RNF126: variants seen among roughly 807,000 people sequenced by gnomAD.
RNF126 encodes the protein ring finger protein 126.
RNF126 carries 20 observed loss-of-function variants against 41.9 expected under a neutral mutation model. The ratio of observed to expected loss-of-function variants is 0.48; its 90% confidence interval spans 0.34 to 0.69. The LOEUF (loss-of-function observed/expected upper bound fraction) is 0.69, where lower values mean the gene tolerates loss of function less well. Among genes scored for constraint, RNF126 ranks in the 30% least tolerant of loss-of-function variants. The pLI is 0.01. For missense variants in RNF126, 433 were observed against 460.6 expected (o/e 0.94, Z 0.55); for synonymous variants, 239 against 202.9 (o/e 1.18, Z -1.51).
Position 648,451 on chromosome 19 carries a change from T to G in RNF126, c.707A>C (p.Tyr236Ser). The change falls in exon 8 of 9, where the codon TAC (tyrosine) becomes TCC (serine). Residue 236 changes from tyrosine to serine, a missense_variant. Physicochemically the swap from Tyr to Ser is moderately radical, Grantham distance 144 (BLOSUM62 -2). Transcript: ENST00000292363. ...GLECPVCKDDYALGERVRQLP... is the reference protein window; with the variant it reads ...GLECPVCKDDSALGERVRQLP... Reference sequence around the variant, plus strand: ...CTGCCGCACACGCTCACCCAGCGCGTAGTCGTCCTTGCACACAGGGCACTC... The same window carrying G: ...CTGCCGCACACGCTCACCCAGCGCGGAGTCGTCCTTGCACACAGGGCACTC... 1 of 1,590,014 alleles carries G rather than the reference T, an allele frequency of 6.3e-7. No homozygotes were observed. Among genetic ancestry groups the G allele is most frequent in the African/African-American group, 1.3e-5 (1 of 74,302 alleles).
intron 8 of RNF126, 28 bp downstream of exon 8, chr19:648,344 T>TGGGGGGGGGGGGGGGGGGGGGGGGGGG (rs566322132): frequency 5.2e-5 from 15 of 289,416 alleles, no homozygotes; most frequent in Middle Eastern, 1.0e-3. Flanking sequence ...GCGGTCGGGG[T>TGGGGGGGGGGGGGGGGGGGGGGGGGGG]GGGGGGGCGG....
chr19:652,751 C>T, intron 2 of RNF126, 75 bp downstream of exon 2: 2 of 1,413,146 alleles, frequency 1.4e-6, no homozygotes, highest in Non-Finnish European at 2.0e-6. Context: ...GGGCGGACGC[C>T]AGCACAGCCC....
chr19:653,369 C>T (rs966969165), intron 1 of RNF126, among the ~76,000 whole-genome samples: 2 of 152,238 alleles, frequency 1.3e-5, no homozygotes, highest in Non-Finnish European at 2.9e-5. Context: ...CCCCAGGTCC[C>T]CCTAGAGCCA....
intron 5 of RNF126, 94 bp from the exon 6 acceptor site, chr19:649,842 G>A (rs1040518438): frequency 1.1e-6 from 1 of 943,312 alleles, no homozygotes; most frequent in South Asian, 1.4e-5. Context: ...CTGGGGATGG[G>A]GACAGGCACC....
chr19:651,780 C>G lies in RNF126; in HGVS notation c.274G>C (p.Glu92Gln). 1 of 1,612,806 alleles carries G rather than the reference C, an allele frequency of 6.2e-7. No homozygotes were observed. The highest frequency in any genetic ancestry group is 8.5e-7 in the Non-Finnish European group (1 of 1,179,870). The change falls in exon 4 of 9, where the codon GAG becomes CAG. Residue 92 changes from glutamate to glutamine, a missense_variant. Around this residue, in one of 5 missense-constraint regions of RNF126, gnomAD observed 247 missense variants for 224.7 expected, o/e 1.10. Transcript: ENST00000292363. ...FAFGIFDDSFEIPTFPPGAQA... is the reference protein window; with the variant it reads ...FAFGIFDDSFQIPTFPPGAQA... ...GCCCCAGGAGGGAACGTGGGGATCT[C>G]GAAGCTGTCATCGAAGATGCCGAAA... is the stretch of plus-strand genomic sequence containing the variant.
intron 2 of RNF126, 31 bp from the exon 3 acceptor site, chr19:652,327 G>A: frequency 6.5e-7 from 1 of 1,530,198 alleles, no homozygotes; most frequent in Non-Finnish European, 8.8e-7. Flanking sequence ...AGCAGTGCCG[G>A]CTACCCTGTG....
At chr19:660,731 G>A (rs955014305) in intron 1 of RNF126, among the ~76,000 whole-genome samples, 6 of 152,130 alleles carry the variant, frequency 3.9e-5, no homozygotes, top group African/African-American at 1.4e-4. Flanking sequence ...CCAGGCTCAA[G>A]CGCTCCTCCC....
At chr19:655,838 C>T (rs963230493) in intron 1 of RNF126, among the ~76,000 whole-genome samples, 2 of 152,072 alleles carry the variant, frequency 1.3e-5, no homozygotes, top group African/African-American at 4.8e-5. Flanking sequence ...CCTCAGAGCA[C>T]GACTCAACCA....
At chr19:662,100 C>T (rs1470848779) in intron 1 of RNF126, among the ~76,000 whole-genome samples, 1 of 152,200 alleles carries the variant, frequency 6.6e-6, no homozygotes, top group Non-Finnish European at 1.5e-5. Flanking sequence ...AGAAGAATCG[C>T]TTGAGCCCAG....
chr19:654,214 C>G (rs925357221), intron 1 of RNF126, among the ~76,000 whole-genome samples: 1 of 152,172 alleles, frequency 6.6e-6, no homozygotes, highest in East Asian at 1.9e-4. Context: ...CAAACGATGC[C>G]AGATGCACAT....
chr19:662,218 A>G (rs2030834884), intron 1 of RNF126, among the ~76,000 whole-genome samples: 1 of 152,194 alleles, frequency 6.6e-6, no homozygotes, highest in Non-Finnish European at 1.5e-5. Context: ...GAAACCCTGG[A>G]AAAGGGGCCT....
In RNF126 at chr19:648,192, GAGA is replaced by G. The variant is rs753680015; in HGVS notation, c.869_871del (p.Phe290del). 3 of 1,607,486 alleles carry G rather than the reference GAGA, an allele frequency of 1.9e-6. No individual in the cohort carries two copies. Among genetic ancestry groups the G allele is most frequent in the African/African-American group, 2.7e-5 (2 of 74,812 alleles). On this transcript the variant is annotated inframe_deletion, in exon 9 of 9. Coordinates refer to ENST00000292363, the MANE Select transcript of RNF126 (RefSeq NM_194460.3). ...GGAGGAGGACGATGACGACGAGGAGGAGAAGCTCACCCCAGTGAGGCCAGGGGG... is the reference window on the plus strand; with the variant it reads ...GGAGGAGGACGATGACGACGAGGAGGAGCTCACCCCAGTGAGGCCAGGGGG...
chr19:652,726 G>T (rs895887821), intron 2 of RNF126, 100 bp downstream of exon 2: 2 of 1,079,214 alleles, frequency 1.9e-6, no homozygotes, highest in Non-Finnish European at 2.8e-6. Context: ...GGGCCTGACG[G>T]CCCCACACTC....
intron 1 of RNF126, among the ~76,000 whole-genome samples, chr19:655,729 C>A (rs1446407046): frequency 6.6e-6 from 1 of 152,122 alleles, no homozygotes; most frequent in Non-Finnish European, 1.5e-5. Flanking sequence ...CACCTGCCCA[C>A]CAAATGTTCA....
Position 659,349 on chromosome 19 carries a change from G to A in RNF126, c.75+3698C>T, listed in dbSNP as rs1020595503. Among the ~76,000 whole-genome samples the A allele has an allele frequency of 1.2e-4, 19 of 152,110 alleles. No homozygotes were observed. The highest frequency in any genetic ancestry group is 2.6e-4 in the Admixed American group (4 of 15,272). On this transcript the variant is annotated intron_variant, in intron 1 of 8. Coordinates refer to ENST00000292363, the MANE Select transcript of RNF126 (RefSeq NM_194460.3). This position sits in a 1 kb window ranked among gnomAD's most constrained non-coding sequence, Gnocchi z 4.9. ...AGCCCTCACTTCCTGGTGGCTCCCC[G>A]CCCACGCCGGCTCTTCCCCGCCACC...
At chr19:661,995 T>A (rs2030823209) in intron 1 of RNF126, among the ~76,000 whole-genome samples, 1 of 152,062 alleles carries the variant, frequency 6.6e-6, no homozygotes. Flanking sequence ...ACTTTGCACG[T>A]CAGCCTGGCG....
chr19:649,071 C>T (rs1298799078), intron 6 of RNF126, 96 bp from the exon 7 acceptor site: 6 of 574,534 alleles, frequency 1.0e-5, no homozygotes, highest in Non-Finnish European at 1.3e-5. Flanking sequence ...GCACCGAGGC[C>T]GCGTTTGTCC....
At chr19:662,389 G>A (rs1016656392) in intron 1 of RNF126, among the ~76,000 whole-genome samples, 3 of 152,208 alleles carry the variant, frequency 2.0e-5, no homozygotes, top group African/African-American at 7.2e-5. Context: ...GAGGAAGGGT[G>A]GGCTGCGCAG....
intron 1 of RNF126, among the ~76,000 whole-genome samples, chr19:654,947 GAC>G (rs1232167587): frequency 1.3e-5 from 2 of 151,550 alleles, no homozygotes; most frequent in African/African-American, 4.9e-5. Context: ...CAGCCTGGGC[GAC>G]AGAGTGAGAC....
Sources: allele counts gnomAD v4.1 joint callset (sites outside exome capture counted in the v4.1 genomes callset), GRCh38; gene constraint gnomAD v4.1.1; regional missense constraint gnomAD v4.1.1; non-coding constraint Gnocchi (gnomAD v3.1); transcripts MANE v1.5; gene names NCBI Gene and HGNC (gene_info 2026-07-23, HGNC 2026-07-21).